KDM6A: variants seen among roughly 807,000 people sequenced by gnomAD.
The protein encoded by KDM6A is lysine demethylase 6A, also known as lysine-specific demethylase 6A.
Under a neutral mutation model 117.6 loss-of-function variants are expected in KDM6A, and 11 were observed. The observed-to-expected ratio is 0.09, with a 90% confidence interval of 0.06 to 0.15. The LOEUF (loss-of-function observed/expected upper bound fraction) is 0.15. Ranked by LOEUF, KDM6A falls within the 10% of genes least tolerant of loss-of-function variation. KDM6A has a pLI of 1.00. For missense variants in KDM6A, 799 were observed against 1,077.3 expected, an observed-to-expected ratio of 0.74 and a Z score of 3.62; for synonymous variants, 384 against 396.1, an observed-to-expected ratio of 0.97 and a Z score of 0.36.
intron 10 of KDM6A, among the ~76,000 whole-genome samples, chrX:45,058,075 TCC>T (rs554495782): frequency 0.035 from 1,336 of 37,984 alleles, 28 homozygotes; most frequent in African/African-American, 0.062. Context: ...ACTCTTACTC[TCC>T]CCCCCCCCCC....
chrX:44,873,264 C>A lies in KDM6A; in HGVS notation c.-288C>A. 2.9e-6 allele frequency: 1 copy of A among 341,864 alleles called. No individual in the cohort carries two copies. The highest frequency in any genetic ancestry group is 5.0e-6 in the Non-Finnish European group (1 of 199,156). The allele number at this position is 341,864 out of a possible 1,213,427, so 28.2% of individuals were successfully genotyped here. On this transcript the variant is annotated 5_prime_UTR_variant, in exon 1 of 30. Transcript: ENST00000611820. ...TCAGTGCTCCCCAGCCCCGCGCGCT[C>A]CGGCCGTTCCCGCCGTCCCCGCCTG...
At chrX:44,929,130 C>A (rs183755866) in intron 2 of KDM6A, among the ~76,000 whole-genome samples, 1 of 110,604 alleles carries the variant, frequency 9.0e-6, no homozygotes, top group Admixed American at 9.7e-5. Context: ...CAGGGTTTTA[C>A]CATCTTGGCC....
At chrX:45,081,707 A>T (rs1484800523) in intron 21 of KDM6A, among the ~76,000 whole-genome samples, 2 of 112,072 alleles carry the variant, frequency 1.8e-5, no homozygotes, top group East Asian at 5.6e-4. Flanking sequence ...TCTGTATTAT[A>T]ACTTTGTGGC....
Position 44,955,561 on chromosome X carries a change from T to C in KDM6A, c.226-5723T>C, listed in dbSNP as rs760585452. On this transcript the variant is annotated intron_variant, in intron 2 of 29. Coordinates refer to ENST00000611820, the MANE Select transcript of KDM6A (RefSeq NM_001291415.2). ...ACCATTGTAACCTTTTCAGATGTAC[T>C]GTTCAGTAGTGTTAGTCTCCAGAAC... Among the ~76,000 whole-genome samples the C allele has an allele frequency of 3.8e-4, 42 of 111,734 alleles. No homozygotes were observed. The South Asian group carries it at 6.3e-3, about 17-fold the overall frequency.
chrX:45,106,852 G>C, intron 27 of KDM6A: 1 of 237,519 alleles, frequency 4.2e-6, no homozygotes, highest in Non-Finnish European at 7.8e-6. Context: ...TTTTTCTTTA[G>C]TATTATAGTT....
rs562879738 is a variant in KDM6A, at chrX:44,874,009, G to A, written c.225+22G>A. The A allele has an allele frequency of 1.4e-4, 167 of 1,195,438 alleles. No individual in the cohort carries two copies. The South Asian group carries it at 2.8e-3, about 20-fold the overall frequency. On this transcript the variant is annotated intron_variant, in intron 2 of 29. Coordinates refer to ENST00000611820, the MANE Select transcript of KDM6A (RefSeq NM_001291415.2). Reference sequence around the variant, plus strand: ...CAAGGTAAGGCAGCTGCGAGTCGGAGCGCGGACACCGTCTCCCTGGCCGGC... The same window carrying A: ...CAAGGTAAGGCAGCTGCGAGTCGGAACGCGGACACCGTCTCCCTGGCCGGC...
At chrX:45,040,921 T>G (rs1602689154) in intron 8 of KDM6A, among the ~76,000 whole-genome samples, 1 of 45,088 alleles carries the variant, frequency 2.2e-5, no homozygotes, top group Non-Finnish European at 3.9e-5. Flanking sequence ...GGCAGAGGGG[T>G]CCTCACTTCC....
At chrX:45,102,603 C>T (rs2046373979) in intron 27 of KDM6A, among the ~76,000 whole-genome samples, 1 of 111,547 alleles carries the variant, frequency 9.0e-6, no homozygotes, top group Non-Finnish European at 1.9e-5. Context: ...TAGCATTGAT[C>T]CTAGTGATGT....
chrX:45,083,733 A>T (rs910955022), intron 24 of KDM6A, 125 bp downstream of exon 24: 65 of 583,982 alleles, frequency 1.1e-4, no homozygotes, highest in East Asian at 5.8e-4. Flanking sequence ...CTGTTATAAG[A>T]CTTTTTAACT....
chrX:45,024,905 C>A (rs1361681216), intron 6 of KDM6A, among the ~76,000 whole-genome samples: 1 of 111,432 alleles, frequency 9.0e-6, no homozygotes, highest in Non-Finnish European at 1.9e-5. Context: ...GTCCCTCTGC[C>A]CATCCTCAGA....
intron 2 of KDM6A, among the ~76,000 whole-genome samples, chrX:44,911,340 A>T (rs1242895031): frequency 1.9e-5 from 2 of 103,372 alleles, no homozygotes; most frequent in African/African-American, 3.7e-5. Context: ...GGGACTCCTC[A>T]CTTCTCAGAC....
At chrX:44,970,386 A>C (rs2039283054) in intron 3 of KDM6A, among the ~76,000 whole-genome samples, 1 of 111,204 alleles carries the variant, frequency 9.0e-6, no homozygotes, top group South Asian at 3.7e-4. Context: ...TTCTTTTTTA[A>C]AATATTTTAT....
At chrX:44,959,335 G>A (rs960529708) in intron 2 of KDM6A, among the ~76,000 whole-genome samples, 1 of 109,343 alleles carries the variant, frequency 9.1e-6, no homozygotes, top group Non-Finnish European at 1.9e-5. Context: ...TAATTTTGGT[G>A]TGTTCCTTAG....
At chrX:45,011,097 T>TTG (rs1022103620) in intron 5 of KDM6A, 78 bp downstream of exon 5, 69 of 744,714 alleles carry the variant, frequency 9.3e-5, no homozygotes, top group African/African-American at 1.7e-4. Flanking sequence ...GCTTGATTTT[T>TTG]TGTGTGTGTG....
chrX:44,949,595 TG>T (rs2037864982), intron 2 of KDM6A, among the ~76,000 whole-genome samples: 1 of 111,430 alleles, frequency 9.0e-6, no homozygotes, highest in East Asian at 2.8e-4. Context: ...TTTTAGAAGT[TG>T]TAGAATTCAA....
At chrX:45,008,242 C>T (rs919200440) in intron 4 of KDM6A, among the ~76,000 whole-genome samples, 4 of 110,836 alleles carry the variant, frequency 3.6e-5, no homozygotes, top group South Asian at 3.9e-4. Context: ...GGCGTGGTGG[C>T]GGGCGCCTGT....
At chrX:44,883,020 A>G (rs2032457393) in intron 2 of KDM6A, among the ~76,000 whole-genome samples, 1 of 111,191 alleles carries the variant, frequency 9.0e-6, no homozygotes, top group Non-Finnish European at 1.9e-5. Context: ...AGGTAGTTTA[A>G]TGAACTCCTG....
At chrX:45,090,614 T>C (rs2148200843) in intron 26 of KDM6A, 109 bp from the exon 27 acceptor site, 1 of 810,554 alleles carries the variant, frequency 1.2e-6, no homozygotes, top group Non-Finnish European at 1.8e-6. Context: ...TATAGTGTTT[T>C]GAGGTTTTCA....
chrX:45,086,558 C>T (rs1602968608), intron 25 of KDM6A, among the ~76,000 whole-genome samples: 2 of 112,004 alleles, frequency 1.8e-5, no homozygotes, highest in East Asian at 5.6e-4. Flanking sequence ...GGGCCTCCTA[C>T]AGTGCTGGAT....
Sources: gnomAD v4.1 joint callset for allele counts (sites outside exome capture counted in the v4.1 genomes callset) on GRCh38, gnomAD v4.1.1 for gene constraint, MANE v1.5 for transcripts, NCBI Gene and HGNC (gene_info 2026-07-23, HGNC 2026-07-21) for gene names.